Variants in HLF observed in about 807,000 individuals in gnomAD.
HLF encodes HLF transcription factor, PAR bZIP family member.
In HLF, 3 loss-of-function variants were observed where a neutral mutation model predicts 22.6. The observed-to-expected ratio is 0.13, with a 90% CI of 0.06 to 0.34. The LOEUF is 0.34. HLF is among the 10% of genes least tolerant of loss of function. HLF has a pLI of 1.00. For synonymous variants in HLF, 151 were observed against 151.8 expected (o/e 0.99, Z 0.04); for missense variants, 299 against 389.2 (o/e 0.77, Z 1.95).
At chr17:55,310,760 T>C (rs1425791085) in intron 2 of HLF, among the ~76,000 whole-genome samples, 2 of 152,212 alleles carry the variant, frequency 1.3e-5, no homozygotes, top group African/African-American at 4.8e-5. Flanking sequence ...TTAGAACTAT[T>C]AGAACTAATA....
Position 55,315,254 on chromosome 17 carries a change from C to A in HLF, c.479C>A (p.Thr160Lys). The A allele has an allele frequency of 6.2e-7, 1 of 1,614,204 alleles. No individual in the cohort carries two copies. The highest frequency in any genetic ancestry group is 8.5e-7 in the Non-Finnish European group (1 of 1,180,010). The change falls in exon 3 of 4, where the codon ACA becomes AAA. Residue 160 changes from threonine (T) to lysine (K), a missense_variant. Transcript: ENST00000226067. Reference sequence around the variant, plus strand: ...CAGCTGTTGCCAGCAAACCGCAATACACCAAGTCCCATTGATCCTGACACC... The same window carrying A: ...CAGCTGTTGCCAGCAAACCGCAATAAACCAAGTCCCATTGATCCTGACACC... ...PGQLLPANRN[T>K]PSPIDPDTIQ...
At chr17:55,318,834 T>G (rs1025019766) in intron 3 of HLF, 1 of 152,582 alleles carries the variant, frequency 6.6e-6, no homozygotes, top group Non-Finnish European at 1.5e-5. Flanking sequence ...GCTTCACCAC[T>G]GTTGTTAACT....
intron 2 of HLF, among the ~76,000 whole-genome samples, chr17:55,274,139 T>G (rs749351412): frequency 6.6e-6 from 1 of 152,126 alleles, no homozygotes; most frequent in Non-Finnish European, 1.5e-5. Context: ...AAAAAAACCC[T>G]TGATAACATC....
chr17:55,272,297 C>T (rs1386901994), intron 2 of HLF: 1 of 152,240 alleles, frequency 6.6e-6, no homozygotes, highest in Non-Finnish European at 1.5e-5. Flanking sequence ...TAAGGACAGC[C>T]ATCCCTTTAG....
intron 2 of HLF, among the ~76,000 whole-genome samples, chr17:55,270,763 C>T (rs1016074091): frequency 3.3e-5 from 5 of 151,678 alleles, no homozygotes; most frequent in African/African-American, 1.2e-4. Flanking sequence ...CGGGTTCACG[C>T]CATTCTCCTG....
Position 55,320,516 on chromosome 17 carries a change from C to T in HLF, c.673-148C>T, listed in dbSNP as rs1449082759. 3.1e-6 allele frequency: 2 copies of T among 648,082 alleles called. No individual in the cohort carries two copies. Among genetic ancestry groups the T allele is most frequent in the African/African-American group, 1.8e-5 (1 of 54,446 alleles). 40.1% of individuals were successfully genotyped at this position (648,082 alleles called of 1,614,324 possible). A position where few individuals can be genotyped will look rare whatever the true frequency, so the allele number is the denominator to read the frequency against. On this transcript the variant is annotated intron_variant, in intron 3 of 3. Coordinates refer to ENST00000226067, the MANE Select transcript of HLF (RefSeq NM_002126.5). The surrounding 1 kb of genome is among the most constrained non-coding windows in gnomAD (Gnocchi z 4.2). ...CTCATGGGCCACACTCTCAGACATG[C>T]AGAAACTGTAAAGGAAGGAGACACA...
At position 55,288,441 on chromosome 17, in the gene HLF, C is replaced by G. The variant is rs572892086; in HGVS notation, c.451+20355C>G. Among the ~76,000 whole-genome samples, 18 of 152,240 alleles carry G rather than the reference C, an allele frequency of 1.2e-4. No individual in the cohort carries two copies. The East Asian group carries it at 3.1e-3, about 26-fold the overall frequency. On this transcript the variant is annotated intron_variant, in intron 2 of 3. Coordinates refer to ENST00000226067, the MANE Select transcript of HLF (RefSeq NM_002126.5). ...GGGATTGCAGGTGTGAGCCACCACG[C>G]CCGGCCAGTTTCACTGTTTTCTGAT... is the stretch of plus-strand genomic sequence containing the variant.
chr17:55,310,017 G>A (rs967411274), intron 2 of HLF, among the ~76,000 whole-genome samples: 3 of 152,170 alleles, frequency 2.0e-5, no homozygotes, highest in South Asian at 2.1e-4. Context: ...GCTAAAATAC[G>A]AAAGAATATG....
At chr17:55,269,843 C>A (rs2080835919) in intron 2 of HLF, among the ~76,000 whole-genome samples, 1 of 152,106 alleles carries the variant, frequency 6.6e-6, no homozygotes, top group South Asian at 2.1e-4. Context: ...GGAGATTTTG[C>A]CCAGTAGTTA....
rs566750360 is a variant in HLF, at chr17:55,325,187, A to T, written c.*4308A>T. ...AAATGATAATACTATATAATTAGTA[A>T]TAAATTAACATTTATTGGGTAGTTA... On this transcript the variant is annotated 3_prime_UTR_variant, in exon 4 of 4. Coordinates refer to ENST00000226067, the MANE Select transcript of HLF (RefSeq NM_002126.5). 1 of 173,606 alleles carries T rather than the reference A, an allele frequency of 5.8e-6. No individual in the cohort carries two copies. Among genetic ancestry groups the T allele is most frequent in the African/African-American group, 2.4e-5 (1 of 42,196 alleles). The allele number at this position is 173,606 out of a possible 1,614,324, so 10.8% of individuals were successfully genotyped here.
At chr17:55,300,513 C>T (rs571598184) in intron 2 of HLF, among the ~76,000 whole-genome samples, 32 of 152,308 alleles carry the variant, frequency 2.1e-4, no homozygotes, top group East Asian at 3.9e-4. Context: ...GCATCTGAAA[C>T]TCAATGGATC....
chr17:55,277,274 T>TGC (rs35280679), intron 2 of HLF, among the ~76,000 whole-genome samples: 7,305 of 113,684 alleles, frequency 0.064, 244 homozygotes, highest in Middle Eastern at 0.099. Flanking sequence ...TGTGTGTGTG[T>TGC]GCGCGCGCAT....
At position 55,267,860 on chromosome 17, in the gene HLF, C is replaced by T. The variant is rs1382592191; in HGVS notation, c.225C>T (p.Pro75=). The part of the protein sequence containing the change: ...LGPTLWDKTL[P]YDGDTFQLEY... The stretch of plus-strand genomic sequence containing the variant: ...CTACCTTATGGGACAAAACCCTTCC[C>T]TATGACGGAGATACTTTCCAGTTGG... The change falls in exon 2 of 4, where the codon CCC becomes CCT. Residue 75 remains proline (P), a synonymous_variant. Transcript: ENST00000226067. The T allele has an allele frequency of 6.2e-7, 1 of 1,614,036 alleles. No individual in the cohort carries two copies. Among genetic ancestry groups the T allele is most frequent in the African/African-American group, 1.3e-5 (1 of 74,930 alleles).
intron 2 of HLF, among the ~76,000 whole-genome samples, chr17:55,310,402 G>A (rs918284585): frequency 6.6e-6 from 1 of 152,168 alleles, no homozygotes; most frequent in African/African-American, 2.4e-5. Context: ...AGGCATTTAA[G>A]AGAACTTAAT....
intron 1 of HLF, 137 bp from the exon 2 acceptor site, chr17:55,267,614 C>T: frequency 3.3e-6 from 2 of 612,860 alleles, no homozygotes; most frequent in South Asian, 4.5e-5. Flanking sequence ...TCTAGATCTA[C>T]AAAAGACAGC....
At chr17:55,275,184 C>G (rs1378536841) in intron 2 of HLF, among the ~76,000 whole-genome samples, 1 of 152,222 alleles carries the variant, frequency 6.6e-6, no homozygotes, top group African/African-American at 2.4e-5. Context: ...CAACCTCAAC[C>G]TCCCAGGCTC....
chr17:55,269,171 A>G (rs2080827650), intron 2 of HLF, among the ~76,000 whole-genome samples: 1 of 152,166 alleles, frequency 6.6e-6, no homozygotes, highest in African/African-American at 2.4e-5. Flanking sequence ...ATGGAAGGAA[A>G]TGATGTAAAG....
rs1435412786 is a variant in HLF at position 55,265,355 on chromosome 17, C to T, written c.-130C>T. On this transcript the variant is annotated 5_prime_UTR_variant, in exon 1 of 4. Coordinates refer to ENST00000226067, the MANE Select transcript of HLF (RefSeq NM_002126.5). The stretch of plus-strand genomic sequence containing the variant: ...TAAAGATATAAGTAATTTTTTTCTT[C>T]CCTTTTCTCCACCGCCTTGAGAGCG... 18 of 613,518 alleles carry T rather than the reference C, an allele frequency of 2.9e-5. No homozygotes were observed. In the Admixed American group the frequency reaches 3.0e-4, roughly 10 times the overall value. The allele number at this position is 613,518 out of a possible 1,614,324, so 38.0% of individuals were successfully genotyped here.
intron 3 of HLF, among the ~76,000 whole-genome samples, chr17:55,316,414 C>T (rs1218878100): frequency 4.6e-5 from 7 of 152,192 alleles, no homozygotes; most frequent in Admixed American, 2.0e-4. Context: ...TTTGAGACAA[C>T]GTCTGAACTG....
Sources: allele counts gnomAD v4.1 joint callset (sites outside exome capture counted in the v4.1 genomes callset), GRCh38; gene constraint gnomAD v4.1.1; non-coding constraint Gnocchi (gnomAD v3.1); transcripts MANE v1.5; gene names NCBI Gene and HGNC (gene_info 2026-07-23, HGNC 2026-07-21).